The following CAST variants were observed in gnomAD, a reference collection of about 807,000 sequenced individuals.
CAST encodes calpastatin.
A neutral mutation model predicts 119.6 loss-of-function variants in CAST; 76 were observed. The observed-to-expected ratio is 0.64, with a 90% confidence interval of 0.53 to 0.77. The LOEUF is 0.77. Among genes scored for constraint, CAST ranks in the 30% least tolerant of loss-of-function variants. The probability of loss-of-function intolerance (pLI) is 0.00; values close to 1 mark genes in which losing one functional copy is unlikely to be tolerated. For synonymous variants in CAST, 319 were observed against 331.6 expected (o/e 0.96, Z 0.41); for missense variants, 953 against 946.5 (o/e 1.01, Z -0.09).
the CAST span, among the ~76,000 whole-genome samples, chr5:96,172,557 G>A: frequency 6.6e-6 from 1 of 152,194 alleles, no homozygotes; most frequent in Admixed American, 6.5e-5. Context: ...CGCAAAAGAA[G>A]GCCAGCTGCT....
the CAST span, among the ~76,000 whole-genome samples, chr5:96,473,908 G>A: frequency 1.8e-4 from 28 of 152,196 alleles, no homozygotes; most frequent in Admixed American, 1.8e-3. Context: ...CAGAGGAAGA[G>A]TCAGTGTCCT....
chr5:96,278,750 C>T, the CAST span: 1 of 152,204 alleles, frequency 6.6e-6, no homozygotes, highest in African/African-American at 2.4e-5. Context: ...TGTGTATACA[C>T]ACACACATGC....
the CAST span, among the ~76,000 whole-genome samples, chr5:96,198,860 A>T: frequency 6.6e-6 from 1 of 152,084 alleles, no homozygotes; most frequent in Non-Finnish European, 1.5e-5. Context: ...GTTTTTCAGG[A>T]TATTACATCA....
Position 96,736,218 on chromosome 5 carries a change from A to T in CAST, c.677A>T (p.Lys226Ile). 6.2e-7 allele frequency: 1 copy of T among 1,611,886 alleles called. No individual in the cohort carries two copies. Among genetic ancestry groups the T allele is most frequent in the Non-Finnish European group, 8.5e-7 (1 of 1,178,422 alleles). Residue 226 changes from lysine (K) to isoleucine (I), a missense_variant, in exon 10 of 32, where the codon AAA (lysine) becomes ATA (isoleucine). Transcript: ENST00000675179. ...SLTPAVPVES[K>I]PDKPSGKSGM... ...ACCCCAGCTGTGCCAGTTGAATCTA[A>T]ACCGGATAAACCATCGGGAAAGGTA... is the stretch of plus-strand genomic sequence containing the variant.
At chr5:96,757,737 C>A (rs27969) in intron 24 of CAST, 83 bp downstream of exon 24, 2 of 919,162 alleles carry the variant, frequency 2.2e-6, no homozygotes, top group Non-Finnish European at 3.3e-6. Flanking sequence ...GTCATCCAGG[C>A]GGGAGTACAG....
chr5:96,501,803 A>G, the CAST span, among the ~76,000 whole-genome samples: 148,701 of 152,356 alleles, frequency 0.98, 72,676 homozygotes, highest in East Asian at 1. Context: ...TACAACGGTG[A>G]TCCCATAGGA....
At position 96,774,604 on chromosome 5, in the gene CAST, C is replaced by T. The variant is rs1213940397; in HGVS notation, c.*1988C>T. ...AAACAAAGATAGGTTCCTCAGGTGA[C>T]CAAAACTGAAAATCAATATTTCCAT... On this transcript the variant is annotated 3_prime_UTR_variant, in exon 32 of 32. Coordinates refer to ENST00000675179, the MANE Select transcript of CAST (RefSeq NM_001750.7). 1 of 985,206 alleles carries T rather than the reference C, an allele frequency of 1.0e-6. No homozygotes were observed. Among genetic ancestry groups the T allele is most frequent in the Non-Finnish European group, 1.2e-6 (1 of 829,810 alleles). The allele number at this position is 985,206 out of a possible 1,614,324, so 61.0% of individuals were successfully genotyped here. A position where few individuals can be genotyped will look rare whatever the true frequency, so the allele number is the denominator to read the frequency against.
At chr5:96,022,446 G>A in the CAST span, among the ~76,000 whole-genome samples, 2 of 152,174 alleles carry the variant, frequency 1.3e-5, no homozygotes, top group African/African-American at 2.4e-5. Flanking sequence ...AAAGCACCTA[G>A]TGCAGTGATC....
the CAST span, among the ~76,000 whole-genome samples, chr5:96,160,112 C>T: frequency 1.3e-5 from 2 of 151,946 alleles, no homozygotes; most frequent in Admixed American, 6.6e-5. Flanking sequence ...TGCACTCCAG[C>T]CTGGGAGAAC....
intron 1 of CAST, among the ~76,000 whole-genome samples, chr5:96,643,130 T>G (rs1747973741): frequency 6.6e-6 from 1 of 152,208 alleles, no homozygotes; most frequent in African/African-American, 2.4e-5. Context: ...CAATGGAATG[T>G]GGAGTGGCAT....
At chr5:96,410,638 A>G in the CAST span, 1 of 759,842 alleles carries the variant, frequency 1.3e-6, no homozygotes. Context: ...CTTTCAAGTG[A>G]GTAAGTGTGA....
the CAST span, among the ~76,000 whole-genome samples, chr5:96,181,437 G>C: frequency 6.6e-6 from 1 of 152,032 alleles, no homozygotes; most frequent in Non-Finnish European, 1.5e-5. Flanking sequence ...GTTAGACTTG[G>C]GACACGGAGC....
At chr5:96,251,660 G>C in the CAST span, among the ~76,000 whole-genome samples, 1 of 152,056 alleles carries the variant, frequency 6.6e-6, no homozygotes, top group African/African-American at 2.4e-5. Flanking sequence ...ACACACTCTG[G>C]CCACAGAGAA....
the CAST span, among the ~76,000 whole-genome samples, chr5:96,332,875 C>T: frequency 1.5e-4 from 23 of 152,150 alleles, no homozygotes; most frequent in Non-Finnish European, 2.9e-4. Context: ...GTTTTTCCCT[C>T]CTCCACACAA....
the CAST span, chr5:95,965,063 A>G: frequency 6.6e-6 from 1 of 152,032 alleles, no homozygotes; most frequent in Non-Finnish European, 1.5e-5. Context: ...ACCAATTCAG[A>G]TGCCTTCAGG....
chr5:96,532,419 A>G (rs1472180949), intron 1 of CAST, among the ~76,000 whole-genome samples: 1 of 152,192 alleles, frequency 6.6e-6, no homozygotes. Flanking sequence ...CAAAGAATCA[A>G]GAATCACCTC....
chr5:95,983,157 A>G, the CAST span, among the ~76,000 whole-genome samples: 5 of 152,236 alleles, frequency 3.3e-5, no homozygotes, highest in African/African-American at 1.2e-4. Flanking sequence ...TGCTTAGGCA[A>G]TAAAATTAAT....
At chr5:96,572,999 T>C (rs1178806806) in intron 1 of CAST, among the ~76,000 whole-genome samples, 1 of 152,180 alleles carries the variant, frequency 6.6e-6, no homozygotes, top group Admixed American at 6.5e-5. Context: ...GAGTCCAGTG[T>C]TGACAGGAAG....
chr5:96,091,876 G>A, the CAST span, among the ~76,000 whole-genome samples: 2 of 152,188 alleles, frequency 1.3e-5, no homozygotes. Flanking sequence ...TGGGGTTGGT[G>A]TGCTTAGTAC....
Sources: allele counts gnomAD v4.1 joint callset (sites outside exome capture counted in the v4.1 genomes callset), GRCh38; gene constraint gnomAD v4.1.1; transcripts MANE v1.5; gene names NCBI Gene and HGNC (gene_info 2026-07-23, HGNC 2026-07-21).